The following CSMD1 variants were observed in gnomAD, a reference collection of about 807,000 sequenced individuals.
CSMD1 encodes the protein CUB and sushi domain-containing protein 1.
In CSMD1, 213 loss-of-function variants were observed where a neutral mutation model predicts 417.5. The observed-to-expected ratio is 0.51, with a 90% CI of 0.46 to 0.57. The LOEUF is 0.57. CSMD1 is among the 20% of genes least tolerant of loss of function. CSMD1 has a pLI of 0.00. For missense variants in CSMD1, 6,923 were observed against 4,529.7 expected, an observed-to-expected ratio of 1.53 and a Z score of -15.17; for synonymous variants, 2,862 against 1,736.8, an observed-to-expected ratio of 1.65 and a Z score of -16.11.
chr8:4,533,058 C>G (rs1291230980), intron 2 of CSMD1, among the ~76,000 whole-genome samples: 1 of 152,244 alleles, frequency 6.6e-6, no homozygotes, highest in Non-Finnish European at 1.5e-5. Flanking sequence ...CAACCACTCA[C>G]CTACTTTCTG....
In CSMD1 at chr8:3,468,742, C is replaced by T. The variant is rs371342858; in HGVS notation, c.1531G>A (p.Gly511Ser). The T allele has an allele frequency of 6.2e-7, 1 of 1,605,856 alleles. No individual in the cohort carries two copies. Among genetic ancestry groups the T allele is most frequent in the East Asian group, 2.2e-5 (1 of 44,736 alleles). Residue 511 changes from glycine to serine, a missense_variant, in exon 12 of 70, where the codon GGC becomes AGC. Coordinates refer to ENST00000635120, the MANE Select transcript of CSMD1 (RefSeq NM_033225.6). ...WLHLQSDDSI[G>S]SPGFKAVYQE... Reference sequence around the variant, plus strand: ...TAAACAGCTTTAAACCCAGGTGAGCCAATGCTATCATCCGACTGCAGATGT... The same window carrying T: ...TAAACAGCTTTAAACCCAGGTGAGCTAATGCTATCATCCGACTGCAGATGT...
intron 1 of CSMD1, among the ~76,000 whole-genome samples, chr8:4,980,022 G>A (rs1234447119): frequency 6.6e-6 from 1 of 152,168 alleles, no homozygotes; most frequent in Non-Finnish European, 1.5e-5. Flanking sequence ...GGGCGACAGA[G>A]TGAGACTCCA....
intron 3 of CSMD1, among the ~76,000 whole-genome samples, chr8:4,140,278 C>T (rs13259380): frequency 0.3 from 43,872 of 148,584 alleles, 8,449 homozygotes; most frequent in Non-Finnish European, 0.38. Context: ...GGGTGGATCA[C>T]TTGAGGTCAG....
At chr8:3,986,715 T>C (rs1460136973) in intron 5 of CSMD1, among the ~76,000 whole-genome samples, 1 of 152,272 alleles carries the variant, frequency 6.6e-6, no homozygotes, top group East Asian at 1.9e-4. Context: ...AAATTTATCA[T>C]GTTTCAGTTT....
At chr8:4,098,363 A>AT (rs200302891) in intron 3 of CSMD1, among the ~76,000 whole-genome samples, 161 of 151,800 alleles carry the variant, frequency 1.1e-3, no homozygotes, top group African/African-American at 3.5e-3. Flanking sequence ...GATCTTCACT[A>AT]TTTTTTTTCT....
At chr8:4,270,405 C>G (rs754556567) in intron 3 of CSMD1, among the ~76,000 whole-genome samples, 4 of 152,142 alleles carry the variant, frequency 2.6e-5, no homozygotes, top group Non-Finnish European at 4.4e-5. Flanking sequence ...CTCGGCCACA[C>G]TTGCCTTGGC....
intron 1 of CSMD1, among the ~76,000 whole-genome samples, chr8:4,903,829 C>G (rs1319016344): frequency 6.6e-6 from 1 of 152,142 alleles, no homozygotes; most frequent in Non-Finnish European, 1.5e-5. Flanking sequence ...CTCAAATGGC[C>G]AAGAAGTACT....
At chr8:3,182,896 G>GTGTGTGTGTGTGTGTGTGTT (rs1821482950) in intron 36 of CSMD1, 1 of 142,160 alleles carries the variant, frequency 7.0e-6, no homozygotes, top group Admixed American at 7.2e-5. Flanking sequence ...GTGTGTGTGT[G>GTGTGTGTGTGTGTGTGTGTT]TATTGTTAGT....
At chr8:3,616,674 T>G in intron 8 of CSMD1, 36 bp downstream of exon 8, 1 of 1,325,990 alleles carries the variant, frequency 7.5e-7, no homozygotes, top group Non-Finnish European at 1.1e-6. Context: ...GTCTTAAAAA[T>G]AACATGCTTT....
intron 8 of CSMD1, among the ~76,000 whole-genome samples, chr8:3,596,775 C>A (rs1333980985): frequency 6.7e-6 from 1 of 149,096 alleles, no homozygotes. Flanking sequence ...AGGGCACACA[C>A]AAACACACAC....
chr8:4,551,900 C>A (rs1259091220), intron 2 of CSMD1, among the ~76,000 whole-genome samples: 2 of 149,868 alleles, frequency 1.3e-5, no homozygotes, highest in Admixed American at 6.7e-5. Context: ...GTTGCTCAGG[C>A]AGACTCAAAC....
intron 41 of CSMD1, among the ~76,000 whole-genome samples, chr8:3,142,043 C>A (rs910940845): frequency 6.6e-6 from 1 of 152,066 alleles, no homozygotes; most frequent in African/African-American, 2.4e-5. Flanking sequence ...GTGATCCGCC[C>A]GCCTCGGCCT....
At chr8:3,300,138 G>A (rs1271168585) in intron 25 of CSMD1, among the ~76,000 whole-genome samples, 2 of 152,234 alleles carry the variant, frequency 1.3e-5, no homozygotes, top group South Asian at 2.1e-4. Context: ...AACTAAATAG[G>A]ATGAGGCAAA....
chr8:4,062,884 G>C (rs1799051727), intron 3 of CSMD1, among the ~76,000 whole-genome samples: 1 of 150,118 alleles, frequency 6.7e-6, no homozygotes, highest in Non-Finnish European at 1.5e-5. Flanking sequence ...TAATACTGAA[G>C]AGTAAACTGC....
intron 67 of CSMD1, 31 bp from the exon 68 acceptor site, chr8:2,949,417 A>G (rs200448663): frequency 2.2e-4 from 48 of 221,794 alleles, no homozygotes; most frequent in Non-Finnish European, 3.1e-4. Flanking sequence ...GAAAAGAAAT[A>G]AAAAGGTATA....
In CSMD1 at chr8:3,859,645, C is replaced by T. The variant is rs73661011; in HGVS notation, c.819-105603G>A. Among the ~76,000 whole-genome samples the T allele has an allele frequency of 1.1e-3, 163 of 152,238 alleles. 1 individual carries two copies. The highest frequency in any genetic ancestry group is 3.2e-3 in the African/African-American group (135 of 41,542). On this transcript the variant is annotated intron_variant, in intron 5 of 69. Transcript: ENST00000635120. The stretch of plus-strand genomic sequence containing the variant: ...TTTGGTTTACATGACGTCAGTTGAC[C>T]TGAAGAGTGAGTTCAACCATATGGG...
intron 4 of CSMD1, among the ~76,000 whole-genome samples, chr8:4,016,037 C>G (rs537142298): frequency 6.6e-6 from 1 of 152,172 alleles, no homozygotes; most frequent in Non-Finnish European, 1.5e-5. Flanking sequence ...GACATGACAT[C>G]TAAGCTCTCA....
At chr8:3,728,834 A>C (rs1802647554) in intron 6 of CSMD1, among the ~76,000 whole-genome samples, 1 of 152,232 alleles carries the variant, frequency 6.6e-6, no homozygotes, top group South Asian at 2.1e-4. Context: ...TATTTCTAAC[A>C]TTAGTTCTTT....
intron 1 of CSMD1, among the ~76,000 whole-genome samples, chr8:4,945,860 G>A (rs1024412312): frequency 6.6e-6 from 1 of 152,116 alleles, no homozygotes; most frequent in Non-Finnish European, 1.5e-5. Context: ...GAAACTAGCA[G>A]GATTTGGCAG....
Sources: allele counts gnomAD v4.1 joint callset (sites outside exome capture counted in the v4.1 genomes callset), GRCh38; gene constraint gnomAD v4.1.1; transcripts MANE v1.5; gene names NCBI Gene and HGNC (gene_info 2026-07-23, HGNC 2026-07-21).